DKK3: variants seen among roughly 807,000 people sequenced by gnomAD.
DKK3 encodes the protein dickkopf Wnt signaling pathway inhibitor 3, also known as dickkopf-related protein 3.
In DKK3, 22 loss-of-function variants were observed where a neutral mutation model predicts 33.2. The ratio of observed to expected loss-of-function variants is 0.66; its 90% confidence interval spans 0.47 to 0.95. The LOEUF (loss-of-function observed/expected upper bound fraction) is 0.95, where lower values mean the gene tolerates loss of function less well. Ranked by LOEUF, DKK3 falls within the 40% of genes least tolerant of loss-of-function variation. The pLI, the probability that DKK3 is intolerant of heterozygous loss-of-function variation, is 0.00. For synonymous variants in DKK3, 194 were observed against 188.8 expected, an observed-to-expected ratio of 1.03 and a Z score of -0.23; for missense variants, 398 against 458.4, an observed-to-expected ratio of 0.87 and a Z score of 1.20.
At chr11:11,967,202 A>G (rs1847618885) in intron 4 of DKK3, 104 bp from the exon 5 acceptor site, 1 of 1,381,474 alleles carries the variant, frequency 7.2e-7, no homozygotes, top group South Asian at 1.4e-5. Flanking sequence ...GCATCCTCCC[A>G]TTGTAGAGAC....
Position 11,967,016 on chromosome 11 carries a change from T to C in DKK3, c.611A>G (p.Asn204Ser), listed in dbSNP as rs199563886. The C allele has an allele frequency of 2.2e-4, 351 of 1,613,886 alleles. No individual in the cohort carries two copies. Among genetic ancestry groups the C allele is most frequent in the Non-Finnish European group, 2.5e-4 (293 of 1,180,014 alleles). ...CCTCTGGTTGTCACAGATGGTCCCA[T>C]TGCTGCCCCTGGTGGCCATTTTGGT... ...HCTKMATRGSNGTICDNQRDC... is the reference protein window; with the variant it reads ...HCTKMATRGSSGTICDNQRDC... The change falls in exon 5 of 7, where the codon AAT (asparagine) becomes AGT (serine). Residue 204 changes from asparagine (N) to serine (S), a missense_variant. Transcript: ENST00000683431.
chr11:12,003,740 T>TA (rs1590558589), intron 1 of DKK3, among the ~76,000 whole-genome samples: 1 of 148,638 alleles, frequency 6.7e-6, no homozygotes, highest in Admixed American at 6.6e-5. Context: ...ATTTTTATTT[T>TA]TTTTTTTAAA....
chr11:11,965,588 A>G (rs1436887402), intron 6 of DKK3, among the ~76,000 whole-genome samples: 1 of 152,156 alleles, frequency 6.6e-6, no homozygotes. Context: ...CACCAGCTAG[A>G]TGAGCCCCAG....
At chr11:11,990,691 C>T (rs1190594303) in intron 3 of DKK3, among the ~76,000 whole-genome samples, 1 of 152,210 alleles carries the variant, frequency 6.6e-6, no homozygotes, top group Non-Finnish European at 1.5e-5. Flanking sequence ...CTTGCTGCTC[C>T]CCCACGCACA....
At chr11:11,971,150 T>A (rs1847717645) in intron 3 of DKK3, among the ~76,000 whole-genome samples, 1 of 152,010 alleles carries the variant, frequency 6.6e-6, no homozygotes, top group South Asian at 2.1e-4. Flanking sequence ...TGTCCATATA[T>A]GTAAATATCT....
In DKK3 at chr11:11,984,668, A is replaced by AG. The variant is rs1326994098; in HGVS notation, c.435+14027_435+14028insC. Among the ~76,000 whole-genome samples the AG allele has an allele frequency of 1.7e-3, 265 of 151,766 alleles. 1 individual carries two copies. The highest frequency in any genetic ancestry group is 0.01 in the Middle Eastern group (3 of 294). On this transcript the variant is annotated intron_variant, in intron 3 of 6. Coordinates refer to ENST00000683431, the MANE Select transcript of DKK3 (RefSeq NM_001018057.2). ...CTCAATTTCCTTTAAAAAAAAAAAA[A>AG]AAAAGAAAAAGTGAAGAAAATCTAA... is the stretch of plus-strand genomic sequence containing the variant.
intron 3 of DKK3, among the ~76,000 whole-genome samples, chr11:11,996,354 C>T (rs754533415): frequency 9.2e-5 from 14 of 152,156 alleles, no homozygotes; most frequent in Admixed American, 2.0e-4. Flanking sequence ...GATGCTGAAG[C>T]CCTAGGTCAA....
In DKK3 at chr11:11,964,174, C is replaced by T. The variant is rs180685666; in HGVS notation, c.*290G>A. 1.3e-4 allele frequency: 53 copies of T among 421,504 alleles called. No individual in the cohort carries two copies. The highest frequency in any genetic ancestry group is 1.0e-3 in the East Asian group (26 of 24,856). The allele number at this position is 421,504 out of a possible 1,614,324, so 26.1% of individuals were successfully genotyped here. ...AATTATCAAAGCCATGTAGAACAAA[C>T]GGCTGTCTGCCAACTGGTAGAGGCA... is the stretch of plus-strand genomic sequence containing the variant. On this transcript the variant is annotated 3_prime_UTR_variant, in exon 7 of 7. Coordinates refer to ENST00000683431, the MANE Select transcript of DKK3 (RefSeq NM_001018057.2).
chr11:11,982,878 C>T (rs934992497), intron 3 of DKK3, among the ~76,000 whole-genome samples: 4 of 152,202 alleles, frequency 2.6e-5, no homozygotes, highest in African/African-American at 9.6e-5. Flanking sequence ...GAGTGAATCT[C>T]ATGATTTACC....
chr11:11,983,558 C>T (rs1848001446), intron 3 of DKK3, among the ~76,000 whole-genome samples: 1 of 152,230 alleles, frequency 6.6e-6, no homozygotes, highest in Admixed American at 6.5e-5. Flanking sequence ...CCAGCTATGC[C>T]ATGGGTAAGA....
intron 3 of DKK3, among the ~76,000 whole-genome samples, chr11:11,972,881 C>A (rs1251521721): frequency 1.3e-5 from 2 of 148,314 alleles, no homozygotes; most frequent in African/African-American, 5.0e-5. Flanking sequence ...GGGCTCTGGG[C>A]TTTTTAAAGG....
At chr11:11,966,542 C>G (rs1211677601) in intron 5 of DKK3, among the ~76,000 whole-genome samples, 1 of 151,942 alleles carries the variant, frequency 6.6e-6, no homozygotes, top group Non-Finnish European at 1.5e-5. Flanking sequence ...GGGGAGGCGG[C>G]AAATGAGAAT....
chr11:11,988,714 G>A (rs748256790), intron 3 of DKK3, among the ~76,000 whole-genome samples: 1 of 152,224 alleles, frequency 6.6e-6, no homozygotes, highest in Admixed American at 6.5e-5. Context: ...ATAAAGGAGG[G>A]TGTGGAGTGG....
Position 12,008,497 on chromosome 11 carries a change from G to A in DKK3, c.86C>T (p.Ser29Leu). The change falls in exon 1 of 7, where the codon TCG (serine) becomes TTG (leucine). Residue 29 changes from serine to leucine, a missense_variant. By Grantham distance (145) the Ser-to-Leu change is moderately radical. Coordinates refer to ENST00000683431, the MANE Select transcript of DKK3 (RefSeq NM_001018057.2). The surrounding 1 kb of genome is among the most constrained non-coding windows in gnomAD (Gnocchi z 4.6). ...AGCCGGGCCGGGCTTGACTGGAGCC[G>A]AGGTCGCCGTCGGAGCGGGCGCGGG... The part of the protein sequence containing the change: ...TAPAPAPTAT[S>L]APVKPGPALS... The A allele has an allele frequency of 6.3e-7, 1 of 1,598,580 alleles. No homozygotes were observed. The highest frequency in any genetic ancestry group is 8.5e-7 in the Non-Finnish European group (1 of 1,176,982).
chr11:11,981,151 C>T (rs371771921), intron 3 of DKK3, among the ~76,000 whole-genome samples: 1 of 152,180 alleles, frequency 6.6e-6, no homozygotes, highest in African/African-American at 2.4e-5. Flanking sequence ...GGAAGTAATG[C>T]TGCATAACTT....
At chr11:11,972,879 G>C (rs1421458044) in intron 3 of DKK3, among the ~76,000 whole-genome samples, 2 of 150,984 alleles carry the variant, frequency 1.3e-5, no homozygotes, top group South Asian at 2.1e-4. Flanking sequence ...GGGGGCTCTG[G>C]GCTTTTTAAA....
chr11:11,994,952 T>G (rs1229255413), intron 3 of DKK3, among the ~76,000 whole-genome samples: 1 of 152,136 alleles, frequency 6.6e-6, no homozygotes, highest in East Asian at 1.9e-4. Flanking sequence ...ATGATCACTG[T>G]CCTCAGTCTG....
intron 3 of DKK3, among the ~76,000 whole-genome samples, chr11:11,980,301 T>C (rs564791478): frequency 9.2e-5 from 14 of 152,330 alleles, no homozygotes; most frequent in Admixed American, 7.8e-4. Flanking sequence ...GTTAGCAAGA[T>C]TGCTGAGCAG....
chr11:12,009,729 AGT>A, upstream of DKK3: 14 of 985,652 alleles, frequency 1.4e-5, no homozygotes, highest in Non-Finnish European at 1.7e-5. Context: ...CGCTGGCCTT[AGT>A]CTGCCGTGAT....
Sources: gnomAD v4.1 joint callset for allele counts (sites outside exome capture counted in the v4.1 genomes callset) on GRCh38, gnomAD v4.1.1 for gene constraint, Gnocchi (gnomAD v3.1) non-coding constraint, MANE v1.5 for transcripts, NCBI Gene and HGNC (gene_info 2026-07-23, HGNC 2026-07-21) for gene names.